CDKN1C: variants seen among roughly 807,000 people sequenced by gnomAD.
CDKN1C encodes the protein cyclin dependent kinase inhibitor 1C, also known as cyclin-dependent kinase inhibitor 1C.
CDKN1C carries 7 observed loss-of-function variants against 16.5 expected under a neutral mutation model. The ratio of observed to expected loss-of-function variants is 0.42; its 90% CI spans 0.24 to 0.80. The LOEUF is 0.80. CDKN1C is among the 30% of genes least tolerant of loss of function. The probability of loss-of-function intolerance (pLI) is 0.26; values close to 1 mark genes in which losing one functional copy is unlikely to be tolerated. For synonymous variants in CDKN1C, 288 were observed against 214.4 expected (o/e 1.34, Z -3.00); for missense variants, 429 against 437.3 (o/e 0.98, Z 0.17).
Position 2,884,966 on chromosome 11 carries a change from A to ACCGCGACCGGAG in CDKN1C, c.479_490dup (p.Ala160_Ala163dup), listed in dbSNP as rs565544512. 78 of 982,068 alleles carry ACCGCGACCGGAG rather than the reference A, an allele frequency of 7.9e-5. No individual in the cohort carries two copies. The Admixed American group carries it at 1.6e-3, about 20-fold the overall frequency. 60.8% of individuals were successfully genotyped at this position (982,068 alleles called of 1,614,324 possible). A position where few individuals can be genotyped will look rare whatever the true frequency, so the allele number is the denominator to read the frequency against. On this transcript the variant is annotated inframe_insertion, in exon 2 of 4. Coordinates refer to ENST00000440480, the MANE Select transcript of CDKN1C (RefSeq NM_001122630.2). Reference sequence around the variant, plus strand: ...GGCCGGGGCCGGGGCCAGGACCGCGACCGCGACCGGAGCCGCGACCGGAGC... The same window carrying ACCGCGACCGGAG: ...GGCCGGGGCCGGGGCCAGGACCGCGACCGCGACCGGAGCCGCGACCGGAGCCGCGACCGGAGC...
chr11:2,884,226 G>T (rs1275353740), intron 2 of CDKN1C, 92 bp from the exon 3 acceptor site: 19 of 1,016,796 alleles, frequency 1.9e-5, no homozygotes, highest in Non-Finnish European at 2.2e-5. Context: ...CGGGCCGGCC[G>T]GGGTGGGGGC....
At position 2,885,748 on chromosome 11, in the gene CDKN1C, C is replaced by T. The variant is rs1392107807; in HGVS notation, c.-125G>A. ...CGCTCGCTCAGGCCTGGCCGGCACC[C>T]CTCGAGCACAGCGCACTTGGCCTGT... On this transcript the variant is annotated 5_prime_UTR_variant, in exon 1 of 4. Coordinates refer to ENST00000440480, the MANE Select transcript of CDKN1C (RefSeq NM_001122630.2). 6.2e-5 allele frequency: 36 copies of T among 578,886 alleles called. 1 individual carries two copies. Among genetic ancestry groups the T allele is most frequent in the East Asian group, 1.2e-4 (4 of 34,124 alleles). 35.9% of individuals were successfully genotyped at this position (578,886 alleles called of 1,614,324 possible).
At chr11:2,885,496 G>T in intron 1 of CDKN1C, 30 bp from the exon 2 acceptor site, 1 of 1,541,736 alleles carries the variant, frequency 6.5e-7, no homozygotes, top group Non-Finnish European at 8.7e-7. Flanking sequence ...ACATGGCCCG[G>T]GGCTGCGCAA....
chr11:2,885,547 G>A, intron 1 of CDKN1C, 81 bp from the exon 2 acceptor site: 2 of 1,531,662 alleles, frequency 1.3e-6, no homozygotes, highest in African/African-American at 1.4e-5. Flanking sequence ...AGAAGAAGGG[G>A]AAAGGAGAGG....
Position 2,884,034 on chromosome 11 carries a change from C to A in CDKN1C, c.888G>T (p.Val296=), listed in dbSNP as rs763529383. 2.2e-5 allele frequency: 34 copies of A among 1,557,412 alleles called. No individual in the cohort carries two copies. Among genetic ancestry groups the A allele is most frequent in the East Asian group, 4.8e-5 (2 of 41,968 alleles). Residue 296 remains valine, a synonymous_variant, in exon 3 of 4, where the codon GTG becomes GTT. Coordinates refer to ENST00000440480, the MANE Select transcript of CDKN1C (RefSeq NM_001122630.2). Reference sequence around the variant, plus strand: ...GCAGCCTCTTGCGCGGGGTCTGCTCCACCGAGCCCACGCCAGGGGCGGCGC... The same window carrying A: ...GCAGCCTCTTGCGCGGGGTCTGCTCAACCGAGCCCACGCCAGGGGCGGCGC... The part of the protein sequence containing the change: ...SPSAAPGVGS[V]EQTPRKRLR
intron 2 of CDKN1C, 78 bp from the exon 3 acceptor site, chr11:2,884,212 G>A: frequency 6.1e-6 from 7 of 1,145,954 alleles, no homozygotes; most frequent in Non-Finnish European, 7.6e-6. Context: ...GAGGGCGCGG[G>A]GCGCGGGCCG....
Position 2,885,471 on chromosome 11 carries a change from G to A in CDKN1C, c.-10-5C>T, listed in dbSNP as rs374634184. On this transcript the variant is annotated splice_region_variant and splice_polypyrimidine_tract_variant and intron_variant, in intron 1 of 3. Transcript: ENST00000440480. ...AGACGCTCCATCGTGGATGTGCTGC[G>A]GAGGGACGCGTCGGACATGGCCCGG... 2.5e-5 allele frequency: 38 copies of A among 1,544,700 alleles called. No individual in the cohort carries two copies. In the African/African-American group the frequency reaches 4.2e-4, roughly 17 times the overall value.
chr11:2,885,453 C>G lies in CDKN1C; in HGVS notation c.4G>C (p.Glu2Gln). M[E>Q]RLVARGTFPV... ...AAGGTCCCACGGGCGACAAGACGCT[C>G]CATCGTGGATGTGCTGCGGAGGGAC... Residue 2 changes from glutamate (E) to glutamine (Q), a missense_variant, in exon 2 of 4, where the codon GAG becomes CAG. Physicochemically the swap from Glu to Gln is conservative, Grantham distance 29 (BLOSUM62 2). Coordinates refer to ENST00000440480, the MANE Select transcript of CDKN1C (RefSeq NM_001122630.2). 2 of 1,546,506 alleles carry G rather than the reference C, an allele frequency of 1.3e-6. No individual in the cohort carries two copies. The highest frequency in any genetic ancestry group is 1.7e-6 in the Non-Finnish European group (2 of 1,147,682).
At chr11:2,884,442 G>A (rs1360807953) in intron 2 of CDKN1C, 2 of 289,926 alleles carry the variant, frequency 6.9e-6, no homozygotes, top group Non-Finnish European at 1.3e-5. Context: ...CGCTCCCGGG[G>A]GGTCGCGGCC....
rs1256893848 is a variant in CDKN1C, at chr11:2,883,714, A to G, written c.*207T>C. ...AAGCTTTACACCTTGGGACCAGTGT[A>G]CCTTCTCGTGCAGAATACATTTAGA... is the stretch of plus-strand genomic sequence containing the variant. On this transcript the variant is annotated 3_prime_UTR_variant, in exon 4 of 4. Transcript: ENST00000440480. 1.9e-5 allele frequency: 25 copies of G among 1,291,458 alleles called. No homozygotes were observed. Among genetic ancestry groups the G allele is most frequent in the Non-Finnish European group, 2.5e-5 (25 of 986,378 alleles). The allele number at this position is 1,291,458 out of a possible 1,614,324, so 80.0% of individuals were successfully genotyped here.
chr11:2,884,572 G>A (rs1211207200), intron 2 of CDKN1C, 98 bp downstream of exon 2: 49 of 653,200 alleles, frequency 7.5e-5, no homozygotes, highest in Middle Eastern at 5.1e-4. Context: ...GCCACGGGAG[G>A]AGGCGGGAAC....
At chr11:2,883,958 C>CGGGGACCCGGT (rs777011860) in intron 3 of CDKN1C, 41 bp downstream of exon 3, 1 of 1,566,596 alleles carries the variant, frequency 6.4e-7, no homozygotes, top group Non-Finnish European at 8.6e-7. Context: ...GGGGACCCGG[C>CGGGGACCCGGT]GGGTCGGCCC....
Position 2,883,831 on chromosome 11 carries a change from T to C in CDKN1C, c.*90A>G. On this transcript the variant is annotated 3_prime_UTR_variant, in exon 4 of 4. Coordinates refer to ENST00000440480, the MANE Select transcript of CDKN1C (RefSeq NM_001122630.2). ...TGCGGCAGCCGCCGCCGGTTGCTGC[T>C]ACATGAACGGTCCCAGCCGAGGCCC... is the stretch of plus-strand genomic sequence containing the variant. 2 of 1,535,904 alleles carry C rather than the reference T, an allele frequency of 1.3e-6. No homozygotes were observed. The highest frequency in any genetic ancestry group is 2.4e-5 in the South Asian group (2 of 83,026).
At chr11:2,885,602 G>A (rs1020979988) in intron 1 of CDKN1C, 32 bp downstream of exon 1, 26 of 1,327,320 alleles carry the variant, frequency 2.0e-5, no homozygotes, top group Admixed American at 1.3e-4. Flanking sequence ...CGCGCCGCCC[G>A]ACTCTGCGTG....
intron 2 of CDKN1C, 68 bp downstream of exon 2, chr11:2,884,602 C>CT (rs1848909927): frequency 4.8e-6 from 5 of 1,031,518 alleles, no homozygotes; most frequent in Non-Finnish European, 6.2e-6. Flanking sequence ...CCCCCGAGGG[C>CT]TGGGGGGACC....
At position 2,884,677 on chromosome 11, in the gene CDKN1C, C is replaced by A; in HGVS notation, c.780G>T (p.Leu260=). The A allele has an allele frequency of 7.0e-7, 1 of 1,418,624 alleles. No individual in the cohort carries two copies. The highest frequency in any genetic ancestry group is 9.2e-7 in the Non-Finnish European group (1 of 1,084,452). The allele number at this position is 1,418,624 out of a possible 1,614,324, so 87.9% of individuals were successfully genotyped here. The change falls in exon 2 of 4, where the codon CTG becomes CTT. Residue 260 remains leucine, a synonymous_variant. Coordinates refer to ENST00000440480, the MANE Select transcript of CDKN1C (RefSeq NM_001122630.2). ...GGGCCGTGCGGGGCTCACCGGAGATCAGAGGCCCGGACAGCTTCTTGATCG... is the reference window on the plus strand; with the variant it reads ...GGGCCGTGCGGGGCTCACCGGAGATAAGAGGCCCGGACAGCTTCTTGATCG... ...GAAIKKLSGP[L]ISDFFAKRKR...
intron 3 of CDKN1C, 42 bp from the exon 4 acceptor site, chr11:2,883,957 G>T: frequency 6.4e-7 from 1 of 1,569,744 alleles, no homozygotes; most frequent in Non-Finnish European, 8.6e-7. Context: ...CGGGGACCCG[G>T]CGGGTCGGCC....
Position 2,883,775 on chromosome 11 carries a change from C to T in CDKN1C, c.*146G>A. 6.8e-7 allele frequency: 1 copy of T among 1,480,748 alleles called. No individual in the cohort carries two copies. Among genetic ancestry groups the T allele is most frequent in the Non-Finnish European group, 8.9e-7 (1 of 1,124,768 alleles). 91.7% of individuals were successfully genotyped at this position (1,480,748 alleles called of 1,614,324 possible). A position where few individuals can be genotyped will look rare whatever the true frequency, so the allele number is the denominator to read the frequency against. On this transcript the variant is annotated 3_prime_UTR_variant, in exon 4 of 4. Transcript: ENST00000440480. ...CGTTATTAATACATTGCACAGTTTT[C>T]AAAATTTAAAAACAAAACCGAACGC...
At position 2,883,818 on chromosome 11, in the gene CDKN1C, C is replaced by T; in HGVS notation, c.*103G>A. The T allele has an allele frequency of 6.6e-7, 1 of 1,524,774 alleles. No individual in the cohort carries two copies. Among genetic ancestry groups the T allele is most frequent in the Non-Finnish European group, 8.8e-7 (1 of 1,140,320 alleles). 94.5% of individuals were successfully genotyped at this position (1,524,774 alleles called of 1,614,324 possible). On this transcript the variant is annotated 3_prime_UTR_variant, in exon 4 of 4. Coordinates refer to ENST00000440480, the MANE Select transcript of CDKN1C (RefSeq NM_001122630.2). Reference sequence around the variant, plus strand: ...CCGAACGCTGCTCTGCGGCAGCCGCCGCCGGTTGCTGCTACATGAACGGTC... The same window carrying T: ...CCGAACGCTGCTCTGCGGCAGCCGCTGCCGGTTGCTGCTACATGAACGGTC...
Sources: gnomAD v4.1 joint callset for allele counts on GRCh38, gnomAD v4.1.1 for gene constraint, MANE v1.5 for transcripts, NCBI Gene and HGNC (gene_info 2026-07-23, HGNC 2026-07-21) for gene names.